Variants in AP1B1 observed in about 807,000 individuals in gnomAD.
AP1B1 encodes the protein adaptor related protein complex 1 subunit beta 1.
AP1B1 carries 36 observed loss-of-function variants against 104.3 expected under a neutral mutation model. The observed-to-expected ratio is 0.35, with a 90% CI of 0.26 to 0.46. The LOEUF is 0.46. AP1B1 is among the 20% of genes least tolerant of loss of function. The pLI, the probability that AP1B1 is intolerant of heterozygous loss-of-function variation, is 1.00. For synonymous variants in AP1B1, 504 were observed against 517.5 expected, an observed-to-expected ratio of 0.97 and a Z score of 0.35; for missense variants, 901 against 1,247.9, an observed-to-expected ratio of 0.72 and a Z score of 4.19.
intron 1 of AP1B1, chr22:29,370,667 C>G (rs939473097): frequency 6.6e-6 from 1 of 151,914 alleles, no homozygotes; most frequent in African/African-American, 2.4e-5. Flanking sequence ...GTGCTGTATG[C>G]AACTGACCAA....
intron 4 of AP1B1, 138 bp from the exon 5 acceptor site, chr22:29,359,109 C>G: frequency 1.2e-6 from 1 of 834,100 alleles, no homozygotes; most frequent in Non-Finnish European, 1.8e-6. Context: ...CCAACTACAG[C>G]CAACAACAGC....
At chr22:29,330,868 C>G (rs1396129380) in intron 19 of AP1B1, among the ~76,000 whole-genome samples, 159 bp from the exon 20 acceptor site, 1 of 152,138 alleles carries the variant, frequency 6.6e-6, no homozygotes, top group African/African-American at 2.4e-5. Context: ...TAAGCACACC[C>G]TCCGCTCTGT....
intron 1 of AP1B1, chr22:29,370,429 A>C (rs1335778688): frequency 1.3e-5 from 2 of 148,458 alleles, no homozygotes; most frequent in Non-Finnish European, 3.0e-5. Context: ...CTCCAGCCCG[A>C]GCGACAGAGT....
intron 2 of AP1B1, among the ~76,000 whole-genome samples, chr22:29,366,363 C>G (rs1468139437): frequency 1.3e-5 from 2 of 152,158 alleles, no homozygotes; most frequent in Non-Finnish European, 2.9e-5. Flanking sequence ...CCTGACCGGC[C>G]GCGGTGGCTC....
intron 8 of AP1B1, 188 bp downstream of exon 8, chr22:29,351,517 A>C: frequency 1.1e-6 from 1 of 889,554 alleles, no homozygotes. Flanking sequence ...TAACATGGAG[A>C]AACATTCTTT....
At chr22:29,343,450 C>G (rs1313192925) in intron 11 of AP1B1, among the ~76,000 whole-genome samples, 1 of 152,258 alleles carries the variant, frequency 6.6e-6, no homozygotes, top group Non-Finnish European at 1.5e-5. Context: ...GAACCAGAGT[C>G]TGCAATTTGG....
intron 11 of AP1B1, among the ~76,000 whole-genome samples, chr22:29,347,302 C>T (rs1443558446): frequency 6.6e-6 from 1 of 152,236 alleles, no homozygotes; most frequent in African/African-American, 2.4e-5. Flanking sequence ...CCAACACTAC[C>T]ATGAACGAGT....
intron 11 of AP1B1, 142 bp from the exon 12 acceptor site, chr22:29,342,525 A>T (rs1338976312): frequency 4.4e-6 from 3 of 676,550 alleles, no homozygotes; most frequent in Non-Finnish European, 7.6e-6. Context: ...CTGTCACGGC[A>T]CACAGGCAAA....
At position 29,331,769 on chromosome 22, in the gene AP1B1, GC is replaced by G. The variant is rs1276297016; in HGVS notation, c.2439+17del. The stretch of plus-strand genomic sequence containing the variant: ...TAGGTGAGTAAGGACTGGGGTGCCT[GC>G]CCTGCCCGGAACCCACCTGGAGGTT... On this transcript the variant is annotated intron_variant, in intron 18 of 22. Transcript: ENST00000357586. The G allele has an allele frequency of 1.2e-6, 2 of 1,614,050 alleles. No homozygotes were observed. Among genetic ancestry groups the G allele is most frequent in the Non-Finnish European group, 1.7e-6 (2 of 1,180,034 alleles).
intron 21 of AP1B1, chr22:29,329,973 A>G (rs933183465): frequency 1.4e-6 from 2 of 1,414,340 alleles, no homozygotes; most frequent in African/African-American, 2.9e-5. Flanking sequence ...CAGGGAAGCC[A>G]TTCTCTAACA....
Position 29,339,141 on chromosome 22 carries a change from G to A in AP1B1, c.2020-8C>T, listed in dbSNP as rs1014078495. 10 of 1,613,916 alleles carry A rather than the reference G, an allele frequency of 6.2e-6. No homozygotes were observed. The highest frequency in any genetic ancestry group is 7.6e-6 in the Non-Finnish European group (9 of 1,179,944). ...GAAGTTGGTGCCCCCAATCTGGAAAGGGAGGGAAAGAGTCAGAGGTGGGCG... is the reference window on the plus strand; with the variant it reads ...GAAGTTGGTGCCCCCAATCTGGAAAAGGAGGGAAAGAGTCAGAGGTGGGCG... On this transcript the variant is annotated splice_region_variant and splice_polypyrimidine_tract_variant and intron_variant, in intron 15 of 22. Transcript: ENST00000357586.
intron 19 of AP1B1, among the ~76,000 whole-genome samples, chr22:29,330,911 C>T (rs2147929871): frequency 6.6e-6 from 1 of 152,314 alleles, no homozygotes; most frequent in South Asian, 2.1e-4. Flanking sequence ...CCAAATGACC[C>T]TGGCTTCCTG....
chr22:29,380,719 C>A (rs1195272814), intron 1 of AP1B1, among the ~76,000 whole-genome samples: 4 of 152,172 alleles, frequency 2.6e-5, no homozygotes, highest in Non-Finnish European at 5.9e-5. Context: ...ATCACTAACC[C>A]CAGCTCCAAG....
intron 5 of AP1B1, 112 bp from the exon 6 acceptor site, chr22:29,356,728 C>G: frequency 9.5e-7 from 1 of 1,049,672 alleles, no homozygotes; most frequent in Non-Finnish European, 1.4e-6. Context: ...AGGAATATGA[C>G]CCAATGGGCA....
intron 1 of AP1B1, among the ~76,000 whole-genome samples, chr22:29,375,109 G>A (rs542137804): frequency 1.3e-5 from 2 of 152,212 alleles, no homozygotes; most frequent in African/African-American, 2.4e-5. Context: ...CCAGCACTTC[G>A]GGAGGCCGAG....
chr22:29,352,460 G>A (rs533545945), intron 7 of AP1B1, among the ~76,000 whole-genome samples: 1 of 152,212 alleles, frequency 6.6e-6, no homozygotes, highest in East Asian at 1.9e-4. Context: ...TTACATACAT[G>A]TTGCTGCATT....
At position 29,341,540 on chromosome 22, in the gene AP1B1, C is replaced by T. The variant is rs773421319; in HGVS notation, c.1757G>A (p.Arg586Gln). 9.9e-6 allele frequency: 16 copies of T among 1,613,958 alleles called. No individual in the cohort carries two copies. Among genetic ancestry groups the T allele is most frequent in the East Asian group, 4.5e-5 (2 of 44,902 alleles). Residue 586 changes from arginine (R) to glutamine (Q), a missense_variant, in exon 13 of 23, where the codon CGG becomes CAG. This residue lies in a region of AP1B1 where 424 missense variants were observed against 494.0 expected (regional missense o/e 0.86). Transcript: ENST00000357586. The part of the protein sequence containing the change: ...KPPSAFVEGG[R>Q]GVVHKSLPPR... ...TGGCAGGCTCTTGTGCACGACGCCC[C>T]GGCCCCCCTCCACAAAGGCACTGGG...
intron 7 of AP1B1, among the ~76,000 whole-genome samples, chr22:29,352,495 T>C (rs1269282476): frequency 1.3e-5 from 2 of 152,148 alleles, no homozygotes; most frequent in East Asian, 3.9e-4. Context: ...GTGTGCTCTG[T>C]ATGACTCCCC....
In AP1B1 at chr22:29,348,333, C is replaced by T. The variant is rs145684565; in HGVS notation, c.1437+885G>A. Among the ~76,000 whole-genome samples, 219 of 152,328 alleles carry T rather than the reference C, an allele frequency of 1.4e-3. 2 individuals are homozygous for T. The highest frequency in any genetic ancestry group is 0.014 in the Middle Eastern group (4 of 294). ...CTGTAAACAAGCATCCTTTCCACCA[C>T]CTATTTAGTGCCATGTTTTTCACAT... On this transcript the variant is annotated intron_variant, in intron 11 of 22. Coordinates refer to ENST00000357586, the MANE Select transcript of AP1B1 (RefSeq NM_001127.4).
Sources: allele counts gnomAD v4.1 joint callset (sites outside exome capture counted in the v4.1 genomes callset), GRCh38; gene constraint gnomAD v4.1.1; regional missense constraint gnomAD v4.1.1; transcripts MANE v1.5; gene names NCBI Gene and HGNC (gene_info 2026-07-23, HGNC 2026-07-21).